The following TMEM79 variants were observed in gnomAD, a reference collection of about 807,000 sequenced individuals.
The protein encoded by TMEM79 is mattrin.
TMEM79 carries 30 observed loss-of-function variants against 31.2 expected under a neutral mutation model. The ratio of observed to expected loss-of-function variants is 0.96; its 90% CI spans 0.72 to 1.30. The LOEUF (loss-of-function observed/expected upper bound fraction) is 1.30, where lower values mean the gene tolerates loss of function less well. Ranked by LOEUF, TMEM79 falls within the 50% of genes most tolerant of loss-of-function variation. The probability of loss-of-function intolerance (pLI) is 0.00; values close to 1 mark genes in which losing one functional copy is unlikely to be tolerated. For missense variants in TMEM79, 509 were observed against 528.2 expected, an observed-to-expected ratio of 0.96 and a Z score of 0.36; for synonymous variants, 213 against 229.5, an observed-to-expected ratio of 0.93 and a Z score of 0.65.
rs1194417465 is a variant in TMEM79 at position 156,285,652 on chromosome 1, A to G, written c.426A>G (p.Gln142=). The part of the protein sequence containing the change: ...IDLQCIERQP[Q]EDLIVRCEAG... ...TACAGTGCATTGAGCGGCAGCCCCA[A>G]GAAGACCTTATCGTGCGCTGTGAGG... Residue 142 remains glutamine, a synonymous_variant, in exon 2 of 4, where the codon CAA becomes CAG. Transcript: ENST00000405535. 6.2e-7 allele frequency: 1 copy of G among 1,613,884 alleles called. No homozygotes were observed. Among genetic ancestry groups the G allele is most frequent in the Non-Finnish European group, 8.5e-7 (1 of 1,179,998 alleles).
chr1:156,290,810 CAGAG>C (rs987646926), intron 3 of TMEM79: 4 of 142,364 alleles, frequency 2.8e-5, no homozygotes, highest in Admixed American at 1.6e-4. Flanking sequence ...GCCTGGGTGA[CAGAG>C]AGAGACTCTG....
Position 156,291,479 on chromosome 1 carries a change from A to G in TMEM79, c.1066A>G (p.Asn356Asp). 1 of 1,613,138 alleles carries G rather than the reference A, an allele frequency of 6.2e-7. No individual in the cohort carries two copies. The highest frequency in any genetic ancestry group is 8.5e-7 in the Non-Finnish European group (1 of 1,179,930). The change falls in exon 4 of 4, where the codon AAC becomes GAC. Residue 356 changes from asparagine to aspartate, a missense_variant. Transcript: ENST00000405535. ...FLPLLSMLMW[N>D]LYYMFVVEPE... ...GCCACTGCTGTCGATGCTGATGTGG[A>G]ACCTCTACTACATGTTCGTGGTGGA...
In TMEM79 at chr1:156,291,516, T is replaced by C; in HGVS notation, c.1103T>C (p.Met368Thr). 1 of 1,610,574 alleles carries C rather than the reference T, an allele frequency of 6.2e-7. No homozygotes were observed. The highest frequency in any genetic ancestry group is 1.3e-5 in the African/African-American group (1 of 74,760). Residue 368 changes from methionine to threonine, a missense_variant, in exon 4 of 4, where the codon ATG becomes ACG. Transcript: ENST00000405535. ...YYMFVVEPER[M>T]LTATESRLDY... ...ATGTTCGTGGTGGAGCCGGAGCGCA[T>C]GCTCACTGCCACCGAGAGCCGCCTG...
At position 156,291,571 on chromosome 1, in the gene TMEM79, C is replaced by G. The variant is rs535553352; in HGVS notation, c.1158C>G (p.Ser386=). 1 of 1,611,100 alleles carries G rather than the reference C, an allele frequency of 6.2e-7. No individual in the cohort carries two copies. Among genetic ancestry groups the G allele is most frequent in the Non-Finnish European group, 8.5e-7 (1 of 1,179,974 alleles). Residue 386 remains serine, a synonymous_variant, in exon 4 of 4, where the codon TCC becomes TCG. Transcript: ENST00000405535. ...LDYPDHARSA[S]DYRPRPWG is the part of the protein sequence containing the mutation. ...ACCCGGACCACGCCCGCTCGGCCTCCGACTACAGGCCCCGCCCCTGGGGCT... is the reference window on the plus strand; with the variant it reads ...ACCCGGACCACGCCCGCTCGGCCTCGGACTACAGGCCCCGCCCCTGGGGCT...
In TMEM79 at chr1:156,291,457, A is replaced by G. The variant is rs1663327755; in HGVS notation, c.1044A>G (p.Pro348=). ...RGFGYGLTFL[P]LLSMLMWNLY... is the part of the protein sequence containing the mutation. The stretch of plus-strand genomic sequence containing the variant: ...TCGGCTACGGCCTGACGTTTCTGCC[A>G]CTGCTGTCGATGCTGATGTGGAACC... The change falls in exon 4 of 4, where the codon CCA becomes CCG. Residue 348 remains proline (P), a synonymous_variant. Transcript: ENST00000405535. The G allele has an allele frequency of 1.2e-6, 2 of 1,613,646 alleles. No homozygotes were observed. Among genetic ancestry groups the G allele is most frequent in the Non-Finnish European group, 1.7e-6 (2 of 1,179,968 alleles).
intron 3 of TMEM79, among the ~76,000 whole-genome samples, chr1:156,287,667 A>ACTC (rs1663208351): frequency 7.7e-6 from 1 of 129,248 alleles, no homozygotes; most frequent in South Asian, 2.5e-4. Flanking sequence ...CAGGCTGGAG[A>ACTC]GTACAATGGC....
At chr1:156,288,340 CTTT>C (rs964633218) in intron 3 of TMEM79, among the ~76,000 whole-genome samples, 1 of 133,140 alleles carries the variant, frequency 7.5e-6, no homozygotes, top group Admixed American at 7.5e-5. Flanking sequence ...CTTTTTTTTT[CTTT>C]TTTTTTTTTT....
In TMEM79 at chr1:156,291,565, G is replaced by A. The variant is rs201548631; in HGVS notation, c.1152G>A (p.Ser384=). 86 of 1,610,834 alleles carry A rather than the reference G, an allele frequency of 5.3e-5. No individual in the cohort carries two copies. Among genetic ancestry groups the A allele is most frequent in the East Asian group, 2.5e-4 (11 of 44,860 alleles). Residue 384 remains serine, a synonymous_variant, in exon 4 of 4, where the codon TCG becomes TCA. Coordinates refer to ENST00000405535, the MANE Select transcript of TMEM79 (RefSeq NM_032323.3). The stretch of plus-strand genomic sequence containing the variant: ...TGGACTACCCGGACCACGCCCGCTC[G>A]GCCTCCGACTACAGGCCCCGCCCCT... The part of the protein sequence containing the change: ...SRLDYPDHAR[S]ASDYRPRPWG
chr1:156,282,961 C>T, upstream of TMEM79: 2 of 532,816 alleles, frequency 3.8e-6, no homozygotes, highest in South Asian at 5.4e-5. Context: ...AGCATGGCGT[C>T]TTTCCGGCTT....
In TMEM79 at chr1:156,291,981, A is replaced by AG. The variant is rs1054712259; in HGVS notation, c.*385dup. ...TCCACTCCCCGGCTTCCCGTGAGGCAGGAGGCAGAGCCACAGCCAAGGCCC... is the reference window on the plus strand; with the variant it reads ...TCCACTCCCCGGCTTCCCGTGAGGCAGGGAGGCAGAGCCACAGCCAAGGCCC... On this transcript the variant is annotated 3_prime_UTR_variant, in exon 4 of 4. Transcript: ENST00000405535. 2.6e-4 allele frequency: 123 copies of AG among 467,332 alleles called. No homozygotes were observed. Among genetic ancestry groups the AG allele is most frequent in the Non-Finnish European group, 6.9e-5 (18 of 260,220 alleles). 28.9% of individuals were successfully genotyped at this position (467,332 alleles called of 1,614,324 possible).
At position 156,288,074 on chromosome 1, in the gene TMEM79, G is replaced by A. The variant is rs114490036; in HGVS notation, c.971+1601G>A. Among the ~76,000 whole-genome samples, 1,443 of 151,986 alleles carry A rather than the reference G, an allele frequency of 9.5e-3. 22 individuals carry two copies. The highest frequency in any genetic ancestry group is 0.033 in the African/African-American group (1,383 of 41,480). ...TTAAAAATACAAAAAAATTAGCCGG[G>A]TGCGGTGGCGAGCGCCTACAGTCCC... is the stretch of plus-strand genomic sequence containing the variant. On this transcript the variant is annotated intron_variant, in intron 3 of 3. Transcript: ENST00000405535.
Position 156,291,481 on chromosome 1 carries a change from C to A in TMEM79, c.1068C>A (p.Asn356Lys), listed in dbSNP as rs766500030. 1.9e-6 allele frequency: 3 copies of A among 1,613,498 alleles called. No individual in the cohort carries two copies. In the South Asian group the frequency reaches 3.3e-5, roughly 18 times the overall value. ...CACTGCTGTCGATGCTGATGTGGAA[C>A]CTCTACTACATGTTCGTGGTGGAGC... ...FLPLLSMLMW[N>K]LYYMFVVEPE... Residue 356 changes from asparagine (N) to lysine (K), a missense_variant, in exon 4 of 4, where the codon AAC (asparagine) becomes AAA (lysine). Coordinates refer to ENST00000405535, the MANE Select transcript of TMEM79 (RefSeq NM_032323.3).
In TMEM79 at chr1:156,291,996, A is replaced by T; in HGVS notation, c.*398A>T. 2.2e-6 allele frequency: 1 copy of T among 449,462 alleles called. No individual in the cohort carries two copies. The highest frequency in any genetic ancestry group is 3.6e-5 in the South Asian group (1 of 27,834). 27.8% of individuals were successfully genotyped at this position (449,462 alleles called of 1,614,324 possible). A position where few individuals can be genotyped will look rare whatever the true frequency, so the allele number is the denominator to read the frequency against. On this transcript the variant is annotated 3_prime_UTR_variant, in exon 4 of 4. Coordinates refer to ENST00000405535, the MANE Select transcript of TMEM79 (RefSeq NM_032323.3). ...CCCGTGAGGCAGGAGGCAGAGCCACAGCCAAGGCCCTGACCACTTCTGTGC... is the reference window on the plus strand; with the variant it reads ...CCCGTGAGGCAGGAGGCAGAGCCACTGCCAAGGCCCTGACCACTTCTGTGC...
chr1:156,287,662 T>C (rs927992667), intron 3 of TMEM79, among the ~76,000 whole-genome samples: 26 of 145,684 alleles, frequency 1.8e-4, no homozygotes, highest in African/African-American at 6.3e-4. Flanking sequence ...TTGCCCAGGC[T>C]GGAGAGTACA....
chr1:156,289,599 G>A (rs1264110488), intron 3 of TMEM79, among the ~76,000 whole-genome samples: 29 of 152,238 alleles, frequency 1.9e-4, no homozygotes, highest in African/African-American at 7.0e-4. Context: ...GCGACAGAGC[G>A]AGACTCTGTC....
chr1:156,285,307 T>G lies in TMEM79; in HGVS notation c.81T>G (p.Val27=). ...AGAAGAGCTCACCCCAGGCCTTGGTTCCCAATGGCCGGCAGCCAGAAGGGG... is the reference window on the plus strand; with the variant it reads ...AGAAGAGCTCACCCCAGGCCTTGGTGCCCAATGGCCGGCAGCCAGAAGGGG... The part of the protein sequence containing the change: ...SPEKSSPQAL[V]PNGRQPEGEG... The change falls in exon 2 of 4, where the codon GTT becomes GTG. Residue 27 remains valine, a synonymous_variant. Coordinates refer to ENST00000405535, the MANE Select transcript of TMEM79 (RefSeq NM_032323.3). 1 of 1,577,812 alleles carries G rather than the reference T, an allele frequency of 6.3e-7. No homozygotes were observed. The highest frequency in any genetic ancestry group is 8.6e-7 in the Non-Finnish European group (1 of 1,164,358).
chr1:156,286,291 C>T lies in TMEM79; in HGVS notation c.789C>T (p.Cys263=), dbSNP rs1184231747. ...TGGTGTACGGGCTGAGCCTGTTATG[C>T]TTTTCTGCCCTTCGGCCCTTTGGGG... ...GILVYGLSLL[C]FSALRPFGEP... is the part of the protein sequence containing the mutation. The change falls in exon 3 of 4, where the codon TGC becomes TGT. Residue 263 remains cysteine, a synonymous_variant. Coordinates refer to ENST00000405535, the MANE Select transcript of TMEM79 (RefSeq NM_032323.3). 1.9e-5 allele frequency: 31 copies of T among 1,614,108 alleles called. No individual in the cohort carries two copies. Among genetic ancestry groups the T allele is most frequent in the Non-Finnish European group, 2.5e-5 (29 of 1,180,050 alleles).
At chr1:156,287,864 C>T (rs1217855774) in intron 3 of TMEM79, among the ~76,000 whole-genome samples, 4 of 151,922 alleles carry the variant, frequency 2.6e-5, no homozygotes, top group African/African-American at 7.2e-5. Flanking sequence ...GTGATCTGCC[C>T]GCCTCAGCCT....
chr1:156,286,406 T>C lies in TMEM79; in HGVS notation c.904T>C (p.Ser302Pro). The change falls in exon 3 of 4, where the codon TCC (serine) becomes CCC (proline). Residue 302 changes from serine (S) to proline (P), a missense_variant. Ser to Pro is a moderately conservative substitution (Grantham distance 74, BLOSUM62 -1). Coordinates refer to ENST00000405535, the MANE Select transcript of TMEM79 (RefSeq NM_032323.3). ...ILYFFNLAVL[S>P]TYLPQDTLKL... ...CTACTTCTTCAACCTGGCCGTGCTT[T>C]CCACTTACCTGCCCCAGGATACCCT... 4 of 1,614,234 alleles carry C rather than the reference T, an allele frequency of 2.5e-6. No individual in the cohort carries two copies. The highest frequency in any genetic ancestry group is 3.4e-6 in the Non-Finnish European group (4 of 1,180,046).
Sources: allele counts gnomAD v4.1 joint callset (sites outside exome capture counted in the v4.1 genomes callset), GRCh38; gene constraint gnomAD v4.1.1; transcripts MANE v1.5; gene names NCBI Gene and HGNC (gene_info 2026-07-23, HGNC 2026-07-21).